Variants in DLG2 observed in about 807,000 individuals in gnomAD.
The protein encoded by DLG2 is disks large homolog 2.
A neutral mutation model predicts 132.5 loss-of-function variants in DLG2; 45 were observed. The ratio of observed to expected loss-of-function variants is 0.34; its 90% CI spans 0.27 to 0.44. The LOEUF is 0.44. Ranked by LOEUF, DLG2 falls within the 20% of genes least tolerant of loss-of-function variation. The pLI, the probability that DLG2 is intolerant of heterozygous loss-of-function variation, is 1.00. For synonymous variants in DLG2, 424 were observed against 419.6 expected, an observed-to-expected ratio of 1.01 and a Z score of -0.13; for missense variants, 1,045 against 1,196.9, an observed-to-expected ratio of 0.87 and a Z score of 1.87.
At chr11:84,818,158 C>T (rs2077271593) in intron 6 of DLG2, among the ~76,000 whole-genome samples, 1 of 151,994 alleles carries the variant, frequency 6.6e-6, no homozygotes, top group Non-Finnish European at 1.5e-5. Context: ...AGGCACACTG[C>T]AGAATTCAAA....
chr11:84,875,986 C>T (rs2086284440), intron 6 of DLG2, among the ~76,000 whole-genome samples: 1 of 152,174 alleles, frequency 6.6e-6, no homozygotes, highest in Non-Finnish European at 1.5e-5. Flanking sequence ...GATCCACCTG[C>T]CTTGGCCTCC....
At chr11:84,144,725 G>A (rs2095001750) in intron 9 of DLG2, among the ~76,000 whole-genome samples, 1 of 152,196 alleles carries the variant, frequency 6.6e-6, no homozygotes, top group African/African-American at 2.4e-5. Flanking sequence ...ACCAAACAAT[G>A]TGTGGGTTGT....
intron 3 of DLG2, among the ~76,000 whole-genome samples, chr11:85,406,030 A>G (rs1394869464): frequency 6.6e-6 from 1 of 151,938 alleles, no homozygotes; most frequent in East Asian, 1.9e-4. Context: ...GTTATCATCT[A>G]ATCACTACAG....
intron 3 of DLG2, among the ~76,000 whole-genome samples, chr11:85,477,952 C>T (rs890939095): frequency 3.3e-5 from 5 of 152,020 alleles, no homozygotes; most frequent in African/African-American, 1.2e-4. Context: ...AATATTTAAA[C>T]TAACAGTTTC....
At chr11:83,744,915 G>T (rs1364843592) in intron 18 of DLG2, among the ~76,000 whole-genome samples, 1 of 152,280 alleles carries the variant, frequency 6.6e-6, no homozygotes, top group East Asian at 1.9e-4. Context: ...TTAATTTCCA[G>T]AACCTTTCAT....
intron 21 of DLG2, among the ~76,000 whole-genome samples, chr11:83,505,548 G>GT (rs1002515752): frequency 5.3e-5 from 8 of 152,242 alleles, no homozygotes; most frequent in South Asian, 2.1e-4. Context: ...ATATCTTCAT[G>GT]TTTTTTTACC....
rs1452960432 is a variant in DLG2, at chr11:83,850,160, G to GTGTGTGTGTGTT, written c.1566-16391_1566-16390insAACACACACACA. 1.5e-3 allele frequency among the ~76,000 whole-genome samples: 185 copies of GTGTGTGTGTGTT among 124,354 alleles called. 1 individual carries two copies. The highest frequency in any genetic ancestry group is 2.3e-3 in the South Asian group (9 of 3,944). 81.6% of individuals were successfully genotyped at this position (124,354 alleles called of 152,430 possible). On this transcript the variant is annotated intron_variant, in intron 16 of 27. Transcript: ENST00000376104. ...TGTGTGTGTGTGTGTGTGTGTGTGT[G>GTGTGTGTGTGTT]TTTTTTTACTTGAGACGGAGTCTCA...
intron 4 of DLG2, among the ~76,000 whole-genome samples, chr11:85,196,308 A>G (rs778731844): frequency 3.9e-5 from 6 of 152,256 alleles, no homozygotes; most frequent in Admixed American, 6.5e-5. Flanking sequence ...CGTTTACAAA[A>G]GTAAAATTTT....
chr11:84,376,827 A>C (rs1221408852), intron 7 of DLG2, among the ~76,000 whole-genome samples: 7 of 152,046 alleles, frequency 4.6e-5, no homozygotes, highest in African/African-American at 1.4e-4. Flanking sequence ...TGAGCATCAG[A>C]GTCATCTAAA....
chr11:83,935,677 C>T (rs190936452), intron 14 of DLG2, among the ~76,000 whole-genome samples: 94 of 152,260 alleles, frequency 6.2e-4, no homozygotes, highest in Middle Eastern at 3.4e-3. Flanking sequence ...ATTTGCGCCA[C>T]GCTTACTTAA....
At chr11:83,646,873 A>C (rs1256579575) in intron 18 of DLG2, 2 of 152,090 alleles carry the variant, frequency 1.3e-5, no homozygotes, top group Non-Finnish European at 2.9e-5. Flanking sequence ...CCTTTTTAAA[A>C]GCTACTGTTC....
chr11:84,881,454 C>T (rs1298250944), intron 6 of DLG2, among the ~76,000 whole-genome samples: 1 of 152,108 alleles, frequency 6.6e-6, no homozygotes, highest in African/African-American at 2.4e-5. Flanking sequence ...AGATAAATAA[C>T]ATGTCTCAAA....
At chr11:84,531,775 TA>T (rs996630363) in intron 7 of DLG2, among the ~76,000 whole-genome samples, 1 of 152,158 alleles carries the variant, frequency 6.6e-6, no homozygotes, top group African/African-American at 2.4e-5. Context: ...GTGCCCTCAA[TA>T]AAAGGCTAGG....
At chr11:83,668,728 CATATATATGTGTATATAA>C (rs1381569689) in intron 18 of DLG2, among the ~76,000 whole-genome samples, 7 of 131,050 alleles carry the variant, frequency 5.3e-5, no homozygotes, top group South Asian at 2.4e-4. Flanking sequence ...TATATAAACA[CATATATATGTGTATATAA>C]ACACACATAT....
intron 6 of DLG2, among the ~76,000 whole-genome samples, chr11:84,731,610 A>G (rs1406971585): frequency 6.6e-6 from 1 of 152,018 alleles, no homozygotes; most frequent in East Asian, 1.9e-4. Flanking sequence ...GAACATGGGA[A>G]GGACTGAGAT....
At chr11:83,579,766 C>T (rs1056744380) in intron 19 of DLG2, among the ~76,000 whole-genome samples, 3 of 151,674 alleles carry the variant, frequency 2.0e-5, no homozygotes, top group African/African-American at 4.8e-5. Context: ...GTCAGGAGAT[C>T]GAGACCATCC....
intron 19 of DLG2, 89 bp downstream of exon 19, chr11:83,633,122 C>T (rs1001330573): frequency 1.7e-6 from 2 of 1,163,016 alleles, no homozygotes; most frequent in Admixed American, 1.8e-5. Context: ...TTAAGTGGGA[C>T]ACATGTTCTG....
At chr11:84,715,403 A>C (rs2061104098) in intron 6 of DLG2, among the ~76,000 whole-genome samples, 1 of 152,018 alleles carries the variant, frequency 6.6e-6, no homozygotes, top group Non-Finnish European at 1.5e-5. Flanking sequence ...AATACCTAAA[A>C]TCTACTCTCT....
intron 7 of DLG2, among the ~76,000 whole-genome samples, chr11:84,260,300 G>GT (rs1432983722): frequency 6.6e-6 from 1 of 152,006 alleles, no homozygotes; most frequent in African/African-American, 2.4e-5. Flanking sequence ...CACTTTATAA[G>GT]TTTTTTCTAG....
Sources: allele counts gnomAD v4.1 joint callset (sites outside exome capture counted in the v4.1 genomes callset), GRCh38; gene constraint gnomAD v4.1.1; transcripts MANE v1.5; gene names NCBI Gene and HGNC (gene_info 2026-07-23, HGNC 2026-07-21).